Variants in NAALADL2 observed in about 807,000 individuals in gnomAD.
The protein encoded by NAALADL2 is N-acetylated alpha-linked acidic dipeptidase like 2.
In NAALADL2, 76 loss-of-function variants were observed where a neutral mutation model predicts 87.2. The ratio of observed to expected loss-of-function variants is 0.87; its 90% CI spans 0.72 to 1.05. The LOEUF (loss-of-function observed/expected upper bound fraction) is 1.05, where lower values mean the gene tolerates loss of function less well. Among genes scored for constraint, NAALADL2 ranks in the 50% least tolerant of loss-of-function variants. The pLI, the probability that NAALADL2 is intolerant of heterozygous loss-of-function variation, is 0.00. For missense variants in NAALADL2, 1,089 were observed against 945.8 expected, an observed-to-expected ratio of 1.15 and a Z score of -1.99; for synonymous variants, 354 against 331.0, an observed-to-expected ratio of 1.07 and a Z score of -0.75.
chr3:175,028,611 A>T (rs1174767514), intron 1 of NAALADL2, among the ~76,000 whole-genome samples: 1 of 152,046 alleles, frequency 6.6e-6, no homozygotes, highest in Admixed American at 6.6e-5. Context: ...TTTCCCTAAG[A>T]TCTAAAAAAT....
chr3:175,166,577 T>A (rs1734036837), intron 2 of NAALADL2, among the ~76,000 whole-genome samples: 1 of 151,812 alleles, frequency 6.6e-6, no homozygotes, highest in African/African-American at 2.4e-5. Context: ...ATTTTTTTTT[T>A]ATTGTGGTTG....
At chr3:174,856,540 C>G (rs926296203), upstream of NAALADL2, among the ~76,000 whole-genome samples, 5 of 152,132 alleles carry the variant, frequency 3.3e-5, no homozygotes, top group Admixed American at 6.5e-5. Context: ...CTGTTAGCCA[C>G]TTAGGATCCA....
chr3:174,536,780 G>T (rs1721763042), intron 1 of NAALADL2: 1 of 152,054 alleles, frequency 6.6e-6, no homozygotes, highest in Non-Finnish European at 1.5e-5. Flanking sequence ...TGCTGTTTTT[G>T]TAAAATAGCA....
chr3:175,717,525 A>T lies in NAALADL2; in HGVS notation c.1897-19781A>T, dbSNP rs548152117. Among the ~76,000 whole-genome samples the T allele has an allele frequency of 2.6e-4, 39 of 151,918 alleles. 1 individual carries two copies. The highest frequency in any genetic ancestry group is 2.2e-3 in the Admixed American group (34 of 15,220). On this transcript the variant is annotated intron_variant, in intron 11 of 13. Transcript: ENST00000454872. ...TGGCCAACATGGCAAAACCCTGTCT[A>T]TACAAAAATCACAAGAATTAGCTAG... is the stretch of plus-strand genomic sequence containing the variant.
At chr3:174,751,226 G>A (rs901251161) in intron 3 of NAALADL2, among the ~76,000 whole-genome samples, 8 of 151,902 alleles carry the variant, frequency 5.3e-5, no homozygotes, top group Admixed American at 5.2e-4. Flanking sequence ...ATCATATGAA[G>A]GAAATTCTCA....
intron 3 of NAALADL2, among the ~76,000 whole-genome samples, chr3:174,809,328 A>G (rs2109286796): frequency 6.6e-6 from 1 of 152,318 alleles, no homozygotes; most frequent in African/African-American, 2.4e-5. Flanking sequence ...GAACCACGCT[A>G]TGTAAAACTA....
At chr3:175,649,666 T>C (rs1302957681) in intron 11 of NAALADL2, among the ~76,000 whole-genome samples, 1 of 152,110 alleles carries the variant, frequency 6.6e-6, no homozygotes, top group Non-Finnish European at 1.5e-5. Flanking sequence ...CCAAGCTCTC[T>C]GGTATCTCTT....
chr3:175,010,087 T>TG (rs138716415), intron 1 of NAALADL2, among the ~76,000 whole-genome samples: 3,790 of 152,132 alleles, frequency 0.025, 139 homozygotes, highest in East Asian at 0.18. Context: ...TTTATAATTG[T>TG]GGGGTGGATC....
chr3:174,787,606 T>TATACATATATATATATATAC (rs1553855461), intron 3 of NAALADL2, among the ~76,000 whole-genome samples: 2 of 104,830 alleles, frequency 1.9e-5, no homozygotes, highest in African/African-American at 6.3e-5. Context: ...TATATATATA[T>TATACATATATATATATATAC]ATATATATAT....
chr3:174,495,173 A>G (rs1276381874), intron 1 of NAALADL2, among the ~76,000 whole-genome samples: 1 of 151,612 alleles, frequency 6.6e-6, no homozygotes, highest in African/African-American at 2.4e-5. Flanking sequence ...AAGTCCTGCC[A>G]TCTATTTGTA....
intron 2 of NAALADL2, among the ~76,000 whole-genome samples, chr3:174,696,593 TA>T (rs62946360): frequency 0.014 from 1,533 of 110,240 alleles, 6 homozygotes; most frequent in African/African-American, 0.024. Flanking sequence ...TGTAGTTATC[TA>T]AAAAAAAAAA....
intron 5 of NAALADL2, among the ~76,000 whole-genome samples, chr3:175,438,343 T>A (rs1261393877): frequency 6.6e-6 from 1 of 152,076 alleles, no homozygotes; most frequent in Admixed American, 6.6e-5. Flanking sequence ...ACTAACCAAT[T>A]TAGTGTACTG....
intron 2 of NAALADL2, chr3:175,124,542 C>G (rs1033899697): frequency 6.6e-6 from 1 of 151,958 alleles, no homozygotes; most frequent in African/African-American, 2.4e-5. Flanking sequence ...TTTCAACAGG[C>G]TTTCATTTTA....
intron 1 of NAALADL2, among the ~76,000 whole-genome samples, chr3:174,482,538 A>G (rs1452311928): frequency 1.3e-5 from 2 of 152,186 alleles, no homozygotes; most frequent in South Asian, 2.1e-4. Context: ...TAATATGAAC[A>G]TGTTCCTTAT....
chr3:174,644,420 A>C (rs9871810), intron 2 of NAALADL2, among the ~76,000 whole-genome samples: 11,779 of 152,210 alleles, frequency 0.077, 1,166 homozygotes, highest in African/African-American at 0.23. Flanking sequence ...TCACCTACTC[A>C]TTGTTTTCAT....
chr3:175,359,619 A>G (rs1369786764), intron 5 of NAALADL2, among the ~76,000 whole-genome samples: 3 of 152,112 alleles, frequency 2.0e-5, no homozygotes, highest in African/African-American at 4.8e-5. Flanking sequence ...TTGATACTGA[A>G]AAAAATTACC....
chr3:174,560,316 C>G lies in NAALADL2; in HGVS notation c.-115+9679C>G, dbSNP rs1035221084. 5.9e-5 allele frequency among the ~76,000 whole-genome samples: 9 copies of G among 152,122 alleles called. No homozygotes were observed. The East Asian group carries it at 1.5e-3, about 26-fold the overall frequency. ...TGCATAGCCTTAATGACAATAGGTA[C>G]AAAAGATGACAGGGCAAGTACTTAA... On this transcript the variant is annotated intron_variant, in intron 2 of 3. Transcript: ENST00000434257.
intron 3 of NAALADL2, among the ~76,000 whole-genome samples, chr3:174,822,428 C>T (rs1461421966): frequency 1.3e-5 from 2 of 152,114 alleles, no homozygotes; most frequent in African/African-American, 2.4e-5. Flanking sequence ...AAGAAAACAA[C>T]ACTTTTGGGC....
intron 2 of NAALADL2, among the ~76,000 whole-genome samples, chr3:175,163,286 T>C (rs76195935): frequency 6.6e-6 from 1 of 152,218 alleles, no homozygotes; most frequent in African/African-American, 2.4e-5. Flanking sequence ...TTATGTCTGC[T>C]TTTTTACATC....
Sources: gnomAD v4.1 joint callset for allele counts (sites outside exome capture counted in the v4.1 genomes callset) on GRCh38, gnomAD v4.1.1 for gene constraint, MANE v1.5 for transcripts, NCBI Gene and HGNC (gene_info 2026-07-23, HGNC 2026-07-21) for gene names.